DRC11: variants seen among roughly 807,000 people sequenced by gnomAD.
The protein encoded by DRC11 is IQ and AAA domain-containing protein 1.
At chr2:236,331,661 C>A in the DRC11 span, 1 of 1,238,672 alleles carries the variant, frequency 8.1e-7, no homozygotes, top group East Asian at 2.5e-5. This position sits in a 1 kb window ranked among gnomAD's most constrained non-coding sequence, Gnocchi z 4.8. Flanking sequence ...GCCAGTTTCC[C>A]TCTCGGTTGA....
chr2:236,340,006 G>A, the DRC11 span, among the ~76,000 whole-genome samples: 1 of 152,218 alleles, frequency 6.6e-6, no homozygotes, highest in Admixed American at 6.5e-5. Flanking sequence ...ATCTTAACAA[G>A]ATTAAGTCTT....
the DRC11 span, among the ~76,000 whole-genome samples, chr2:236,323,897 A>T: frequency 6.6e-6 from 1 of 151,960 alleles, no homozygotes; most frequent in African/African-American, 2.4e-5. This position sits in a 1 kb window ranked among gnomAD's most constrained non-coding sequence, Gnocchi z 6.4. Flanking sequence ...TTTCTTATGT[A>T]CCCTGTGTTA....
At chr2:236,454,891 C>G in the DRC11 span, 1 of 152,232 alleles carries the variant, frequency 6.6e-6, no homozygotes, top group Non-Finnish European at 1.5e-5. The surrounding 1 kb of genome is among the most constrained non-coding windows in gnomAD (Gnocchi z 5.3). Context: ...AGTTACCTGA[C>G]TTTTCTGAGT....
chr2:236,343,992 A>G, the DRC11 span, among the ~76,000 whole-genome samples: 1 of 151,992 alleles, frequency 6.6e-6, no homozygotes, highest in East Asian at 1.9e-4. This position sits in a 1 kb window ranked among gnomAD's most constrained non-coding sequence, Gnocchi z 6.6. Flanking sequence ...GTGCAAATTG[A>G]TGTGGAATAA....
the DRC11 span, among the ~76,000 whole-genome samples, chr2:236,491,812 G>C: frequency 2.0e-5 from 3 of 152,130 alleles, no homozygotes; most frequent in Admixed American, 6.6e-5. Context: ...CTGGGAGCAG[G>C]GGCACAGGAA....
chr2:236,318,793 CAGA>C, the DRC11 span, among the ~76,000 whole-genome samples: 2 of 152,256 alleles, frequency 1.3e-5, no homozygotes, highest in African/African-American at 4.8e-5. The surrounding 1 kb of genome is among the most constrained non-coding windows in gnomAD (Gnocchi z 7.0). Flanking sequence ...CAAGGTCACT[CAGA>C]AGGTTTCTGA....
At chr2:236,364,765 G>A in the DRC11 span, among the ~76,000 whole-genome samples, 1 of 152,142 alleles carries the variant, frequency 6.6e-6, no homozygotes, top group Non-Finnish European at 1.5e-5. Context: ...TTACTATCAT[G>A]TTAGTTTGCG....
At chr2:236,354,679 C>T in the DRC11 span, among the ~76,000 whole-genome samples, 10 of 152,298 alleles carry the variant, frequency 6.6e-5, no homozygotes, top group Admixed American at 1.3e-4. Flanking sequence ...AAACCCTGGT[C>T]CCGCCTTGTC....
At chr2:236,495,867 T>C in the DRC11 span, among the ~76,000 whole-genome samples, 6 of 152,172 alleles carry the variant, frequency 3.9e-5, no homozygotes, top group Admixed American at 3.9e-4. This position sits in a 1 kb window ranked among gnomAD's most constrained non-coding sequence, Gnocchi z 5.6. Flanking sequence ...CTCTTGGTGC[T>C]TGGTGGCCCC....
the DRC11 span, among the ~76,000 whole-genome samples, chr2:236,316,145 TTCTCTCTCTCTCTC>T: frequency 1.4e-4 from 21 of 146,214 alleles, no homozygotes; most frequent in Admixed American, 8.8e-4. The surrounding 1 kb of genome is among the most constrained non-coding windows in gnomAD (Gnocchi z 6.8). Context: ...ACTTATTTTC[TTCTCTCTCTCTCTC>T]TCTCTCTCTC....
At chr2:236,434,113 T>C in the DRC11 span, among the ~76,000 whole-genome samples, 3 of 152,206 alleles carry the variant, frequency 2.0e-5, no homozygotes, top group African/African-American at 7.2e-5. This position sits in a 1 kb window ranked among gnomAD's most constrained non-coding sequence, Gnocchi z 5.5. Context: ...TCACCACTTG[T>C]GGTGTTTTAC....
chr2:236,454,427 C>A, the DRC11 span, among the ~76,000 whole-genome samples: 6 of 152,186 alleles, frequency 3.9e-5, no homozygotes, highest in African/African-American at 4.8e-5. This position sits in a 1 kb window ranked among gnomAD's most constrained non-coding sequence, Gnocchi z 5.3. Flanking sequence ...TCCACCAAAG[C>A]AAACAGTAGA....
At chr2:236,365,164 G>C in the DRC11 span, among the ~76,000 whole-genome samples, 1 of 152,046 alleles carries the variant, frequency 6.6e-6, no homozygotes. This position sits in a 1 kb window ranked among gnomAD's most constrained non-coding sequence, Gnocchi z 7.4. Context: ...ACTGTGGCGG[G>C]GAGTGACACA....
the DRC11 span, among the ~76,000 whole-genome samples, chr2:236,484,053 A>G: frequency 6.6e-6 from 1 of 152,216 alleles, no homozygotes; most frequent in African/African-American, 2.4e-5. Flanking sequence ...AGAAATTAAC[A>G]CTTAAACCTA....
chr2:236,319,499 G>T, the DRC11 span, among the ~76,000 whole-genome samples: 2 of 152,132 alleles, frequency 1.3e-5, no homozygotes, highest in Non-Finnish European at 2.9e-5. The surrounding 1 kb of genome is among the most constrained non-coding windows in gnomAD (Gnocchi z 6.7). Flanking sequence ...TCAAAAAAAC[G>T]TACTGTGTTT....
the DRC11 span, among the ~76,000 whole-genome samples, chr2:236,425,714 C>T: frequency 3.9e-5 from 6 of 152,070 alleles, no homozygotes; most frequent in African/African-American, 1.5e-4. Context: ...CTGCCCAGAT[C>T]AATGTCATGG....
chr2:236,460,257 T>C, the DRC11 span, among the ~76,000 whole-genome samples: 1 of 152,152 alleles, frequency 6.6e-6, no homozygotes, highest in African/African-American at 2.4e-5. The surrounding 1 kb of genome is among the most constrained non-coding windows in gnomAD (Gnocchi z 4.0). Context: ...GACTCCAAAC[T>C]GTCAGGTCAA....
At chr2:236,503,554 G>A in the DRC11 span, 1 of 1,337,668 alleles carries the variant, frequency 7.5e-7, no homozygotes, top group Non-Finnish European at 1.0e-6. The surrounding 1 kb of genome is among the most constrained non-coding windows in gnomAD (Gnocchi z 4.9). Context: ...ATCCCTGTCT[G>A]GGGGAGACCA....
At chr2:236,389,325 G>A in the DRC11 span, among the ~76,000 whole-genome samples, 15 of 152,336 alleles carry the variant, frequency 9.8e-5, no homozygotes, top group East Asian at 1.9e-4. Flanking sequence ...CTCCATGGGC[G>A]TAGGACCCTC....
Sources: gnomAD v4.1 joint callset for allele counts (sites outside exome capture counted in the v4.1 genomes callset) on GRCh38, gnomAD v4.1.1 for gene constraint, Gnocchi (gnomAD v3.1) non-coding constraint, MANE v1.5 for transcripts, NCBI Gene and HGNC (gene_info 2026-07-23, HGNC 2026-07-21) for gene names.